MAFK: variants seen among roughly 807,000 people sequenced by gnomAD.
The protein encoded by MAFK is transcription factor MafK.
MAFK carries 1 observed loss-of-function variant against 9.2 expected under a neutral mutation model. The observed-to-expected ratio is 0.11, with a 90% CI of 0.04 to 0.52. The LOEUF (loss-of-function observed/expected upper bound fraction) is 0.52. MAFK is among the 20% of genes least tolerant of loss of function. The pLI is 0.94. For synonymous variants in MAFK, 110 were observed against 107.4 expected, an observed-to-expected ratio of 1.02 and a Z score of -0.15; for missense variants, 207 against 236.0, an observed-to-expected ratio of 0.88 and a Z score of 0.81.
At chr7:1,533,206 C>G (rs946025713) in intron 1 of MAFK, among the ~76,000 whole-genome samples, 1 of 152,180 alleles carries the variant, frequency 6.6e-6, no homozygotes, top group African/African-American at 2.4e-5. Context: ...TGGTGTAGAG[C>G]CTTCCTGCTT....
Position 1,534,150 on chromosome 7 carries a change from G to A in MAFK, c.-45+3252G>A, listed in dbSNP as rs1265530484. The A allele has an allele frequency of 9.1e-6, 4 of 440,158 alleles. No homozygotes were observed. Among genetic ancestry groups the A allele is most frequent in the Non-Finnish European group, 9.3e-6 (2 of 214,874 alleles). The allele number at this position is 440,158 out of a possible 1,614,324, so 27.3% of individuals were successfully genotyped here. On this transcript the variant is annotated intron_variant, in intron 1 of 2. Transcript: ENST00000343242. This position sits in a 1 kb window ranked among gnomAD's most constrained non-coding sequence, Gnocchi z 4.3. ...GCTGGCTGGTATGGGCCGGGCTGCG[G>A]GGTGCCAAGTGGGGTGCCTCCCGCA...
At chr7:1,538,220 A>T (rs1263696433) in intron 1 of MAFK, 1 of 971,018 alleles carries the variant, frequency 1.0e-6, no homozygotes, top group African/African-American at 1.8e-5. Flanking sequence ...TTCATGAATG[A>T]TTAGAATGTG....
chr7:1,537,593 C>T lies in MAFK; in HGVS notation c.-44-1556C>T, dbSNP rs184430726. ...AGCCTGGAGCCCACCTGGCCGTCCC[C>T]GGGACCGGCTGGTGCCATCCTGTGC... On this transcript the variant is annotated intron_variant, in intron 1 of 2. Coordinates refer to ENST00000343242, the MANE Select transcript of MAFK (RefSeq NM_002360.4). 151 of 985,554 alleles carry T rather than the reference C, an allele frequency of 1.5e-4. 1 individual carries two copies. The African/African-American group carries it at 2.1e-3, about 14-fold the overall frequency. The allele number at this position is 985,554 out of a possible 1,614,324, so 61.1% of individuals were successfully genotyped here. A position where few individuals can be genotyped will look rare whatever the true frequency, so the allele number is the denominator to read the frequency against.
intron 1 of MAFK, among the ~76,000 whole-genome samples, chr7:1,535,532 G>A (rs532609276): frequency 3.3e-5 from 5 of 152,340 alleles, no homozygotes; most frequent in South Asian, 4.1e-4. Flanking sequence ...GTGCCCACCC[G>A]TAGTCCCAGC....
Position 1,542,207 on chromosome 7 carries a change from A to C in MAFK, c.*1832A>C, listed in dbSNP as rs1784208764. On this transcript the variant is annotated 3_prime_UTR_variant, in exon 3 of 3. Coordinates refer to ENST00000343242, the MANE Select transcript of MAFK (RefSeq NM_002360.4). ...ATTGGATGTCATAAGGACCAGGGGG[A>C]TATTTAAAGAGAGAAACAGAAAATA... The C allele has an allele frequency of 1.3e-5, 2 of 152,482 alleles. No individual in the cohort carries two copies. The highest frequency in any genetic ancestry group is 2.9e-5 in the Non-Finnish European group (2 of 68,032). 9.4% of individuals were successfully genotyped at this position (152,482 alleles called of 1,614,324 possible). A position where few individuals can be genotyped will look rare whatever the true frequency, so the allele number is the denominator to read the frequency against.
At chr7:1,531,323 CCGCGGCTTCCGCCCCAG>C (rs1783899781) in intron 1 of MAFK, among the ~76,000 whole-genome samples, 1 of 151,662 alleles carries the variant, frequency 6.6e-6, no homozygotes, top group Non-Finnish European at 1.5e-5. Flanking sequence ...CGTGGATTCT[CCGCGGCTTCCGCCCCAG>C]CGTGGCTTCC....
At chr7:1,533,171 G>C (rs1783942870) in intron 1 of MAFK, among the ~76,000 whole-genome samples, 1 of 152,224 alleles carries the variant, frequency 6.6e-6, no homozygotes, top group Admixed American at 6.5e-5. Flanking sequence ...AGGTCTGCTG[G>C]CCTGTCCCAC....
intron 1 of MAFK, among the ~76,000 whole-genome samples, chr7:1,531,349 C>A (rs1020520670): frequency 6.6e-6 from 1 of 152,016 alleles, no homozygotes. Context: ...AGCGTGGCTT[C>A]CGCGTGCGGC....
intron 1 of MAFK, among the ~76,000 whole-genome samples, chr7:1,531,952 A>C (rs1185994229): frequency 1.3e-5 from 2 of 152,254 alleles, no homozygotes; most frequent in African/African-American, 2.4e-5. Flanking sequence ...GGCAGAAATT[A>C]GATCCACTCA....
In MAFK at chr7:1,539,086, C is replaced by T; in HGVS notation, c.-44-63C>T. On this transcript the variant is annotated intron_variant, in intron 1 of 2. Coordinates refer to ENST00000343242, the MANE Select transcript of MAFK (RefSeq NM_002360.4). ...GAAGCATCCCTGCATGGGAGGTGGG[C>T]ACCCTGTCCGGCGCTGCCGGCCCTG... 4 of 1,302,000 alleles carry T rather than the reference C, an allele frequency of 3.1e-6. No homozygotes were observed. The South Asian group carries it at 4.8e-5, about 16-fold the overall frequency. 80.7% of individuals were successfully genotyped at this position (1,302,000 alleles called of 1,614,324 possible).
chr7:1,536,105 G>C, intron 1 of MAFK, among the ~76,000 whole-genome samples: 1 of 152,238 alleles, frequency 6.6e-6, no homozygotes. Context: ...TGGTGCCGGA[G>C]AACTTTGCTG....
intron 1 of MAFK, among the ~76,000 whole-genome samples, chr7:1,536,288 T>C (rs1193891106): frequency 6.6e-6 from 1 of 152,022 alleles, no homozygotes; most frequent in Non-Finnish European, 1.5e-5. Context: ...TGTCGGGTGC[T>C]TGTGCGTGGC....
intron 1 of MAFK, among the ~76,000 whole-genome samples, chr7:1,531,357 G>A (rs907360130): frequency 1.3e-5 from 2 of 152,040 alleles, no homozygotes; most frequent in African/African-American, 4.8e-5. Flanking sequence ...TTCCGCGTGC[G>A]GCCCCGGACT....
At chr7:1,533,380 G>C (rs1340215167) in intron 1 of MAFK, among the ~76,000 whole-genome samples, 1 of 152,186 alleles carries the variant, frequency 6.6e-6, no homozygotes, top group Non-Finnish European at 1.5e-5. Context: ...CCTTGGGGAG[G>C]CCCCCTGTCC....
At position 1,532,392 on chromosome 7, in the gene MAFK, T is replaced by TA. The variant is rs1426489076; in HGVS notation, c.-45+1495dup. Among the ~76,000 whole-genome samples the TA allele has an allele frequency of 3.3e-5, 5 of 152,320 alleles. No individual in the cohort carries two copies. Among genetic ancestry groups the TA allele is most frequent in the African/African-American group, 1.2e-4 (5 of 41,562 alleles). ...CATCTCCCTTTCTTAGGTAACCCAGTAGGAATGTCTGAGTTTGACCTTGGG... is the reference window on the plus strand; with the variant it reads ...CATCTCCCTTTCTTAGGTAACCCAGTAAGGAATGTCTGAGTTTGACCTTGGG... On this transcript the variant is annotated intron_variant, in intron 1 of 2. Coordinates refer to ENST00000343242, the MANE Select transcript of MAFK (RefSeq NM_002360.4). The surrounding 1 kb of genome is among the most constrained non-coding windows in gnomAD (Gnocchi z 4.5).
At chr7:1,537,337 G>A (rs897524710) in intron 1 of MAFK, 8 of 975,678 alleles carry the variant, frequency 8.2e-6, no homozygotes, top group East Asian at 1.1e-4. Context: ...GTGGGAATGC[G>A]CGCGGCTCTG....
chr7:1,540,628 T>C lies in MAFK; in HGVS notation c.*253T>C, dbSNP rs976661895. 5.3e-5 allele frequency: 27 copies of C among 505,988 alleles called. No homozygotes were observed. The highest frequency in any genetic ancestry group is 8.7e-5 in the Non-Finnish European group (25 of 286,994). The allele number at this position is 505,988 out of a possible 1,614,324, so 31.3% of individuals were successfully genotyped here. A position where few individuals can be genotyped will look rare whatever the true frequency, so the allele number is the denominator to read the frequency against. On this transcript the variant is annotated 3_prime_UTR_variant, in exon 3 of 3. Transcript: ENST00000343242. ...CTGCTCCCCGCAGGATGTGTCTGTGTGTGGGAATTGGTATCTTGCACCCGT... is the reference window on the plus strand; with the variant it reads ...CTGCTCCCCGCAGGATGTGTCTGTGCGTGGGAATTGGTATCTTGCACCCGT...
chr7:1,534,647 T>C lies in MAFK; in HGVS notation c.-45+3749T>C. 2.2e-6 allele frequency: 1 copy of C among 455,978 alleles called. No individual in the cohort carries two copies. The highest frequency in any genetic ancestry group is 2.0e-5 in the African/African-American group (1 of 50,152). 28.2% of individuals were successfully genotyped at this position (455,978 alleles called of 1,614,324 possible). On this transcript the variant is annotated intron_variant, in intron 1 of 2. Coordinates refer to ENST00000343242, the MANE Select transcript of MAFK (RefSeq NM_002360.4). This position sits in a 1 kb window ranked among gnomAD's most constrained non-coding sequence, Gnocchi z 4.3. The stretch of plus-strand genomic sequence containing the variant: ...TAGAAGTGGAAGGGCCACTCCGTCT[T>C]GGTCAGACTGGCTGGGCAGCTGAGG...
In MAFK at chr7:1,540,463, C is replaced by A; in HGVS notation, c.*88C>A. On this transcript the variant is annotated 3_prime_UTR_variant, in exon 3 of 3. Coordinates refer to ENST00000343242, the MANE Select transcript of MAFK (RefSeq NM_002360.4). ...CTCGTACCTGTCACTGGGATGCAGACTCTCGACATCCGAGTCCAAGCGCAG... is the reference window on the plus strand; with the variant it reads ...CTCGTACCTGTCACTGGGATGCAGAATCTCGACATCCGAGTCCAAGCGCAG... The A allele has an allele frequency of 7.9e-7, 1 of 1,260,494 alleles. No individual in the cohort carries two copies. Among genetic ancestry groups the A allele is most frequent in the Non-Finnish European group, 1.1e-6 (1 of 931,432 alleles). The allele number at this position is 1,260,494 out of a possible 1,614,324, so 78.1% of individuals were successfully genotyped here. A position where few individuals can be genotyped will look rare whatever the true frequency, so the allele number is the denominator to read the frequency against.
Sources: gnomAD v4.1 joint callset for allele counts (sites outside exome capture counted in the v4.1 genomes callset) on GRCh38, gnomAD v4.1.1 for gene constraint, Gnocchi (gnomAD v3.1) non-coding constraint, MANE v1.5 for transcripts, NCBI Gene and HGNC (gene_info 2026-07-23, HGNC 2026-07-21) for gene names.